The following LRRC4C variants were observed in gnomAD, a reference collection of about 807,000 sequenced individuals.
LRRC4C encodes leucine rich repeat containing 4C.
LRRC4C carries 5 observed loss-of-function variants against 33.6 expected under a neutral mutation model. The ratio of observed to expected loss-of-function variants is 0.15; its 90% CI spans 0.08 to 0.31. The LOEUF (loss-of-function observed/expected upper bound fraction) is 0.31. Among genes scored for constraint, LRRC4C ranks in the 10% least tolerant of loss-of-function variants. The pLI is 1.00. For missense variants in LRRC4C, 560 were observed against 796.7 expected (o/e 0.70, Z 3.58); for synonymous variants, 329 against 302.0 (o/e 1.09, Z -0.93).
chr11:40,193,791 C>T (rs1040299519), intron 5 of LRRC4C, among the ~76,000 whole-genome samples: 8 of 152,124 alleles, frequency 5.3e-5, no homozygotes, highest in East Asian at 1.9e-4. Flanking sequence ...AAACACAGCA[C>T]GAGACCTTTG....
chr11:40,472,066 G>A (rs533838564), intron 3 of LRRC4C, among the ~76,000 whole-genome samples: 1 of 151,982 alleles, frequency 6.6e-6, no homozygotes, highest in Admixed American at 6.6e-5. Flanking sequence ...GAGGCCCGAG[G>A]AGGGCAGATC....
At chr11:40,823,448 A>G (rs1319381206) in intron 2 of LRRC4C, among the ~76,000 whole-genome samples, 1 of 151,804 alleles carries the variant, frequency 6.6e-6, no homozygotes, top group Non-Finnish European at 1.5e-5. Flanking sequence ...GAAAATAAAA[A>G]GGGAAGCAAC....
intron 3 of LRRC4C, among the ~76,000 whole-genome samples, chr11:40,425,025 A>T (rs912995129): frequency 1.3e-5 from 2 of 152,174 alleles, no homozygotes; most frequent in African/African-American, 4.8e-5. Flanking sequence ...GAAGTACAGA[A>T]TTCATTCTCC....
intron 1 of LRRC4C, among the ~76,000 whole-genome samples, chr11:41,177,806 G>A (rs991353022): frequency 3.3e-5 from 5 of 152,014 alleles, no homozygotes; most frequent in South Asian, 2.1e-4. Context: ...CAATCACATC[G>A]CCCACTACTA....
At chr11:41,404,038 A>G (rs1761773673) in intron 1 of LRRC4C, among the ~76,000 whole-genome samples, 1 of 152,080 alleles carries the variant, frequency 6.6e-6, no homozygotes, top group Non-Finnish European at 1.5e-5. Flanking sequence ...AAAATAAAAC[A>G]CAGTTGAGAA....
chr11:40,325,403 C>T, intron 3 of LRRC4C, among the ~76,000 whole-genome samples: 1 of 152,240 alleles, frequency 6.6e-6, no homozygotes, highest in Non-Finnish European at 1.5e-5. Context: ...TAGGCCAAAG[C>T]AGGAGGTTAG....
intron 1 of LRRC4C, among the ~76,000 whole-genome samples, chr11:41,142,987 A>G (rs149012744): frequency 2.2e-4 from 34 of 152,270 alleles, no homozygotes; most frequent in African/African-American, 8.2e-4. Flanking sequence ...CCATAAGGAT[A>G]CTTTATATAT....
At chr11:40,734,691 C>T (rs1947765153) in intron 2 of LRRC4C, among the ~76,000 whole-genome samples, 1 of 151,912 alleles carries the variant, frequency 6.6e-6, no homozygotes, top group South Asian at 2.1e-4. Flanking sequence ...AATAAAGAAA[C>T]ATATGTTTCT....
At chr11:41,411,400 C>T (rs568230324) in intron 1 of LRRC4C, among the ~76,000 whole-genome samples, 45 of 151,252 alleles carry the variant, frequency 3.0e-4, no homozygotes, top group African/African-American at 9.7e-4. Flanking sequence ...CGCCCACCTC[C>T]GCCTCCCAAA....
chr11:40,126,088 A>G (rs1856200367), intron 6 of LRRC4C, among the ~76,000 whole-genome samples: 1 of 151,904 alleles, frequency 6.6e-6, no homozygotes, highest in African/African-American at 2.4e-5. Context: ...TCAAGTTAAC[A>G]AGCAGCTGTT....
intron 1 of LRRC4C, among the ~76,000 whole-genome samples, chr11:41,372,978 T>G (rs187909751): frequency 4.6e-5 from 7 of 152,292 alleles, no homozygotes; most frequent in African/African-American, 1.7e-4. Context: ...ATTTCTTATT[T>G]AAAAATCTAG....
intron 3 of LRRC4C, among the ~76,000 whole-genome samples, chr11:40,476,546 A>G (rs10219210): frequency 0.14 from 21,402 of 151,472 alleles, 1,594 homozygotes; most frequent in Non-Finnish European, 0.15. Flanking sequence ...GGTTTTCACT[A>G]TGTTGGCCAG....
intron 5 of LRRC4C, among the ~76,000 whole-genome samples, chr11:40,148,060 C>T (rs1857890899): frequency 1.3e-5 from 2 of 152,072 alleles, no homozygotes; most frequent in Non-Finnish European, 2.9e-5. Flanking sequence ...CATGTCCATA[C>T]TATGGCTGCA....
intron 1 of LRRC4C, among the ~76,000 whole-genome samples, chr11:41,412,411 A>T (rs1201136636): frequency 1.3e-5 from 2 of 152,206 alleles, no homozygotes; most frequent in African/African-American, 4.8e-5. Context: ...TAATCTCATT[A>T]AACATCGTTT....
At chr11:40,927,223 A>C (rs771802203) in intron 2 of LRRC4C, among the ~76,000 whole-genome samples, 38 of 151,952 alleles carry the variant, frequency 2.5e-4, no homozygotes, top group Non-Finnish European at 4.9e-4. Context: ...AACATACAAA[A>C]ATTAGCCAGG....
At chr11:40,606,660 A>G (rs540563473) in intron 3 of LRRC4C, among the ~76,000 whole-genome samples, 1 of 152,268 alleles carries the variant, frequency 6.6e-6, no homozygotes, top group Non-Finnish European at 1.5e-5. Flanking sequence ...GAAGAAGAAT[A>G]TCAACAAAGA....
intron 2 of LRRC4C, among the ~76,000 whole-genome samples, chr11:40,694,865 A>G (rs1223906237): frequency 6.6e-6 from 1 of 151,862 alleles, no homozygotes; most frequent in Non-Finnish European, 1.5e-5. Flanking sequence ...TCATATCTCA[A>G]TCTTCCTTAT....
intron 3 of LRRC4C, among the ~76,000 whole-genome samples, chr11:40,502,002 A>C (rs1954798156): frequency 6.6e-6 from 1 of 152,198 alleles, no homozygotes; most frequent in Admixed American, 6.5e-5. Context: ...CTTCTGCCAG[A>C]TACCCTAAAT....
At chr11:40,990,432 C>T (rs1389484657) in intron 1 of LRRC4C, among the ~76,000 whole-genome samples, 1 of 151,708 alleles carries the variant, frequency 6.6e-6, no homozygotes, top group Admixed American at 6.6e-5. Context: ...AAGTGTGCAA[C>T]TTGCCCAAGT....
Sources: gnomAD v4.1 joint callset for allele counts (sites outside exome capture counted in the v4.1 genomes callset) on GRCh38, gnomAD v4.1.1 for gene constraint, MANE v1.5 for transcripts, NCBI Gene and HGNC (gene_info 2026-07-23, HGNC 2026-07-21) for gene names.